Variants in NRG2 observed in about 807,000 individuals in gnomAD.
NRG2 encodes the protein pro-neuregulin-2, membrane-bound isoform.
Under a neutral mutation model 73.9 loss-of-function variants are expected in NRG2, and 27 were observed. The ratio of observed to expected loss-of-function variants is 0.37; its 90% CI spans 0.27 to 0.50. The LOEUF (loss-of-function observed/expected upper bound fraction) is 0.50, where lower values mean the gene tolerates loss of function less well. Ranked by LOEUF, NRG2 falls within the 20% of genes least tolerant of loss-of-function variation. The probability of loss-of-function intolerance (pLI) is 0.96; values close to 1 mark genes in which losing one functional copy is unlikely to be tolerated. For synonymous variants in NRG2, 532 were observed against 541.0 expected (o/e 0.98, Z 0.23); for missense variants, 1,126 against 1,210.1 (o/e 0.93, Z 1.03).
At chr5:139,936,995 T>G (rs530446900) in intron 1 of NRG2, among the ~76,000 whole-genome samples, 1 of 152,256 alleles carries the variant, frequency 6.6e-6, no homozygotes, top group Non-Finnish European at 1.5e-5. Flanking sequence ...AGAGACAGGG[T>G]TTCGCCATGT....
rs1762614060 is a variant in NRG2 at position 139,868,205 on chromosome 5, C to G, written c.1113-2580G>C. ...CTCCTTCAGGGACCTCCTGGACACT[C>G]CTATGTCTCTCCTTAGTCCTGTTTG... On this transcript the variant is annotated intron_variant, in intron 4 of 9. Coordinates refer to ENST00000361474, the MANE Select transcript of NRG2 (RefSeq NM_004883.3). This position sits in a 1 kb window ranked among gnomAD's most constrained non-coding sequence, Gnocchi z 4.2. Among the ~76,000 whole-genome samples the G allele has an allele frequency of 6.6e-6, 1 of 152,102 alleles. No individual in the cohort carries two copies. Among genetic ancestry groups the G allele is most frequent in the African/African-American group, 2.4e-5 (1 of 41,420 alleles).
intron 1 of NRG2, among the ~76,000 whole-genome samples, chr5:139,929,608 C>T (rs1182073017): frequency 1.3e-5 from 2 of 152,170 alleles, no homozygotes; most frequent in Non-Finnish European, 2.9e-5. Flanking sequence ...ACAGAAATAC[C>T]TGCCCAGAAG....
chr5:139,848,022 G>A lies in NRG2; in HGVS notation c.2448C>T (p.Ala816=). The A allele has an allele frequency of 1.3e-6, 2 of 1,511,090 alleles. No homozygotes were observed. The highest frequency in any genetic ancestry group is 8.8e-7 in the Non-Finnish European group (1 of 1,134,780). The allele number at this position is 1,511,090 out of a possible 1,614,324, so 93.6% of individuals were successfully genotyped here. A position where few individuals can be genotyped will look rare whatever the true frequency, so the allele number is the denominator to read the frequency against. ...RSDSPPLCPA[A]DSRTYYSLDS... ...CCAGTGAGTAGTAAGTCCTGCTGTC[G>A]GCCGCCGGGCACAGTGGCGGCGAGT... Residue 816 remains alanine, a synonymous_variant, in exon 10 of 10, where the codon GCC becomes GCT. Transcript: ENST00000361474.
intron 1 of NRG2, among the ~76,000 whole-genome samples, chr5:140,004,938 T>A (rs1271481606): frequency 6.6e-6 from 1 of 152,218 alleles, no homozygotes; most frequent in Admixed American, 6.5e-5. Context: ...TTTTTGCAAC[T>A]TTTCTGTGAA....
chr5:139,905,829 C>T (rs535130134), intron 1 of NRG2, among the ~76,000 whole-genome samples: 1 of 152,262 alleles, frequency 6.6e-6, no homozygotes, highest in South Asian at 2.1e-4. Flanking sequence ...GGCCAGGTCT[C>T]ACTTCTGCTT....
rs183407870 is a variant in NRG2 at position 139,913,532 on chromosome 5, C to T, written c.701-26021G>A. Among the ~76,000 whole-genome samples, 385 of 152,380 alleles carry T rather than the reference C, an allele frequency of 2.5e-3. 1 individual carries two copies. Among genetic ancestry groups the T allele is most frequent in the African/African-American group, 8.9e-3 (372 of 41,592 alleles). On this transcript the variant is annotated intron_variant, in intron 1 of 9. Coordinates refer to ENST00000361474, the MANE Select transcript of NRG2 (RefSeq NM_004883.3). ...CACCCTCTAGACTCAGGGGCTCCCC[C>T]GGCAGCCAGAGGATTCATAGCTGAA...
chr5:139,980,655 G>A (rs1000327568), intron 1 of NRG2, among the ~76,000 whole-genome samples: 2 of 152,206 alleles, frequency 1.3e-5, no homozygotes, highest in African/African-American at 4.8e-5. Context: ...GCTCTGTGGG[G>A]AAAGGATGGA....
At chr5:139,938,513 T>C (rs1489959748) in intron 1 of NRG2, among the ~76,000 whole-genome samples, 1 of 151,964 alleles carries the variant, frequency 6.6e-6, no homozygotes, top group African/African-American at 2.4e-5. Context: ...CAGGCCACCA[T>C]GCCCCGCTAA....
intron 1 of NRG2, among the ~76,000 whole-genome samples, chr5:139,970,095 A>G (rs892549628): frequency 2.0e-5 from 3 of 152,342 alleles, no homozygotes; most frequent in African/African-American, 7.2e-5. Context: ...ATGTCTGACT[A>G]TTCTCCACAT....
chr5:140,016,185 G>A (rs1759763637), intron 1 of NRG2, among the ~76,000 whole-genome samples: 1 of 152,178 alleles, frequency 6.6e-6, no homozygotes, highest in African/African-American at 2.4e-5. Flanking sequence ...TGTAGGAGAG[G>A]CAGAAGGGGT....
chr5:139,852,752 A>G lies in NRG2; in HGVS notation c.1416+152T>C, dbSNP rs1454288579. On this transcript the variant is annotated intron_variant, in intron 7 of 9. Coordinates refer to ENST00000361474, the MANE Select transcript of NRG2 (RefSeq NM_004883.3). The surrounding 1 kb of genome is among the most constrained non-coding windows in gnomAD (Gnocchi z 4.4). ...ACCCCTTCCTCATGGAAGTGAGCAA[A>G]CCAAGGCCAGCCATCCTGGTGAGGC... 4.1e-6 allele frequency: 6 copies of G among 1,453,584 alleles called. No individual in the cohort carries two copies. In the Admixed American group the frequency reaches 1.1e-4, roughly 27 times the overall value. The allele number at this position is 1,453,584 out of a possible 1,614,324, so 90.0% of individuals were successfully genotyped here.
chr5:139,909,683 G>A (rs1172612968), intron 1 of NRG2, among the ~76,000 whole-genome samples: 1 of 152,254 alleles, frequency 6.6e-6, no homozygotes, highest in African/African-American at 2.4e-5. Flanking sequence ...GCCAGAGGAG[G>A]AAATAGATCA....
At position 139,870,831 on chromosome 5, in the gene NRG2, G is replaced by T. The variant is rs564474266; in HGVS notation, c.1112+890C>A. Reference sequence around the variant, plus strand: ...TCCAGGGGGCACTGTAGGCCCAGCTGCCCAGAAGATCTGGCTGGGCCTGAA... The same window carrying T: ...TCCAGGGGGCACTGTAGGCCCAGCTTCCCAGAAGATCTGGCTGGGCCTGAA... On this transcript the variant is annotated intron_variant, in intron 4 of 9. Transcript: ENST00000361474. The surrounding 1 kb of genome is among the most constrained non-coding windows in gnomAD (Gnocchi z 4.4). Among the ~76,000 whole-genome samples the T allele has an allele frequency of 1.8e-4, 28 of 152,316 alleles. No homozygotes were observed. The highest frequency in any genetic ancestry group is 3.4e-3 in the Middle Eastern group (1 of 294).
rs915547475 is a variant in NRG2, at chr5:139,870,057, A to C, written c.1112+1664T>G. On this transcript the variant is annotated intron_variant, in intron 4 of 9. Coordinates refer to ENST00000361474, the MANE Select transcript of NRG2 (RefSeq NM_004883.3). The surrounding 1 kb of genome is among the most constrained non-coding windows in gnomAD (Gnocchi z 4.4). ...GAGAGACCTACCTAGTGTGTATGTC[A>C]CAGGGAGGAGGAGGGTGCAGGAGAC... Among the ~76,000 whole-genome samples the C allele has an allele frequency of 6.6e-6, 1 of 152,202 alleles. No homozygotes were observed. Among genetic ancestry groups the C allele is most frequent in the Non-Finnish European group, 1.5e-5 (1 of 68,024 alleles).
In NRG2 at chr5:139,848,202, T is replaced by C; in HGVS notation, c.2268A>G (p.Ala756=). 8 of 1,295,798 alleles carry C rather than the reference T, an allele frequency of 6.2e-6. No homozygotes were observed. The South Asian group carries it at 1.3e-4, about 21-fold the overall frequency. The allele number at this position is 1,295,798 out of a possible 1,614,324, so 80.3% of individuals were successfully genotyped here. A position where few individuals can be genotyped will look rare whatever the true frequency, so the allele number is the denominator to read the frequency against. The change falls in exon 10 of 10, where the codon GCA becomes GCG. Residue 756 remains alanine, a synonymous_variant. Transcript: ENST00000361474. ...GCGACAGCGAGTCCCTCGCCGCCCG[T>C]GCGCGCTGCGCCGCCAGCCCGTTGA... is the stretch of plus-strand genomic sequence containing the variant. The part of the protein sequence containing the change: ...SRLNGLAAQR[A]RAARDSLSLS...
chr5:139,878,308 C>T (rs1299471284), intron 3 of NRG2, among the ~76,000 whole-genome samples: 1 of 152,234 alleles, frequency 6.6e-6, no homozygotes. Context: ...AGTGACTGGT[C>T]AAGTGGGTCA....
chr5:139,987,322 C>G (rs1217482156), intron 1 of NRG2, among the ~76,000 whole-genome samples: 1 of 144,354 alleles, frequency 6.9e-6, no homozygotes, highest in East Asian at 2.0e-4. Flanking sequence ...GAGCTGAGAT[C>G]GCGCCACTGC....
intron 1 of NRG2, among the ~76,000 whole-genome samples, chr5:139,892,082 T>G (rs1764247033): frequency 6.6e-6 from 1 of 152,176 alleles, no homozygotes. Context: ...AATCCTAGTT[T>G]GCAGTGATTT....
intron 1 of NRG2, among the ~76,000 whole-genome samples, chr5:139,891,869 A>G (rs1438286500): frequency 6.6e-6 from 1 of 152,252 alleles, no homozygotes; most frequent in African/African-American, 2.4e-5. Context: ...TTTTTAAATT[A>G]CATATGTGGA....
Sources: allele counts gnomAD v4.1 joint callset (sites outside exome capture counted in the v4.1 genomes callset), GRCh38; gene constraint gnomAD v4.1.1; non-coding constraint Gnocchi (gnomAD v3.1); transcripts MANE v1.5; gene names NCBI Gene and HGNC (gene_info 2026-07-23, HGNC 2026-07-21).